ITPR1: variants seen among roughly 807,000 people sequenced by gnomAD.
ITPR1 encodes the protein inositol 1,4,5-trisphosphate-gated calcium channel ITPR1.
In ITPR1, 96 loss-of-function variants were observed where a neutral mutation model predicts 318.4. That is an observed-to-expected ratio of 0.30 (90% confidence interval 0.26 to 0.36). The LOEUF (loss-of-function observed/expected upper bound fraction) is 0.36. ITPR1 is among the 10% of genes least tolerant of loss of function. ITPR1 has a pLI of 1.00. For synonymous variants in ITPR1, 1,312 were observed against 1,289.9 expected (o/e 1.02, Z -0.37); for missense variants, 2,440 against 3,460.2 (o/e 0.71, Z 7.40).
chr3:4,690,782 A>C (rs2094468429), intron 31 of ITPR1, among the ~76,000 whole-genome samples: 1 of 152,238 alleles, frequency 6.6e-6, no homozygotes, highest in South Asian at 2.1e-4. Context: ...AAAGAGTGCA[A>C]GAGGTTTAAG....
intron 4 of ITPR1, among the ~76,000 whole-genome samples, chr3:4,528,986 G>A (rs891521905): frequency 5.9e-5 from 9 of 152,128 alleles, no homozygotes; most frequent in South Asian, 2.1e-4. Flanking sequence ...TTACACAATC[G>A]CTGGGGATGG....
chr3:4,667,166 T>C (rs2093967703), intron 17 of ITPR1, among the ~76,000 whole-genome samples: 1 of 152,196 alleles, frequency 6.6e-6, no homozygotes, highest in Admixed American at 6.5e-5. Context: ...CTTAATTACA[T>C]TTGTGTGGCA....
chr3:4,656,170 C>T (rs1199716722), intron 12 of ITPR1, among the ~76,000 whole-genome samples: 1 of 152,212 alleles, frequency 6.6e-6, no homozygotes, highest in Non-Finnish European at 1.5e-5. Context: ...CACTAGGTGG[C>T]AAGCGCCGAC....
intron 18 of ITPR1, among the ~76,000 whole-genome samples, chr3:4,668,451 C>A (rs2093998227): frequency 6.6e-6 from 1 of 151,942 alleles, no homozygotes; most frequent in Non-Finnish European, 1.5e-5. Context: ...ATGACTGGAT[C>A]TCACTCTTTT....
intron 61 of ITPR1, among the ~76,000 whole-genome samples, chr3:4,844,462 A>C (rs1410768419): frequency 1.3e-5 from 2 of 152,302 alleles, no homozygotes; most frequent in African/African-American, 4.8e-5. Context: ...TGAACACTTG[A>C]GATTATCCAA....
At chr3:4,674,146 G>C in intron 21 of ITPR1, 56 bp from the exon 22 acceptor site, 2 of 1,442,540 alleles carry the variant, frequency 1.4e-6, no homozygotes, top group Non-Finnish European at 1.9e-6. Context: ...GACCCAGGAA[G>C]ACCTCTCTGG....
rs770355745 is a variant in ITPR1 at position 4,667,511 on chromosome 3, C to T, written c.1848C>T (p.Asp616=). The T allele has an allele frequency of 8.7e-6, 14 of 1,613,672 alleles. No individual in the cohort carries two copies. The South Asian group carries it at 1.4e-4, about 16-fold the overall frequency. Reference sequence around the variant, plus strand: ...AACACATTACCGCGGCAGAGATTGACACATTTGTCAGCCTGGTGCGAAAGA... The same window carrying T: ...AACACATTACCGCGGCAGAGATTGATACATTTGTCAGCCTGGTGCGAAAGA... ...LEKHITAAEI[D]TFVSLVRKNR... The change falls in exon 18 of 62, where the codon GAC becomes GAT. Residue 616 remains aspartate (D), a synonymous_variant. Transcript: ENST00000649015.
chr3:4,825,003 GAGA>G (rs751971001), intron 60 of ITPR1, among the ~76,000 whole-genome samples: 6 of 152,184 alleles, frequency 3.9e-5, no homozygotes, highest in Non-Finnish European at 7.3e-5. Context: ...AAAGTAAAAG[GAGA>G]AGGACGATTC....
chr3:4,574,367 A>G (rs1216158555), intron 4 of ITPR1, among the ~76,000 whole-genome samples: 1 of 152,356 alleles, frequency 6.6e-6, no homozygotes, highest in East Asian at 1.9e-4. Flanking sequence ...TCGTTTGCAC[A>G]ATGAATGCCG....
intron 17 of ITPR1, among the ~76,000 whole-genome samples, chr3:4,666,965 G>C (rs1309728455): frequency 1.3e-5 from 2 of 152,160 alleles, no homozygotes; most frequent in Admixed American, 1.3e-4. Context: ...CATTGTTCCA[G>C]ATCTCCAGGT....
intron 2 of ITPR1, among the ~76,000 whole-genome samples, chr3:4,504,601 G>T (rs1403590882): frequency 6.6e-6 from 1 of 152,186 alleles, no homozygotes; most frequent in Non-Finnish European, 1.5e-5. Context: ...GGGGAGCTGT[G>T]TGAAAACGTG....
intron 42 of ITPR1, among the ~76,000 whole-genome samples, chr3:4,730,412 TGTGTGTG>T (rs1559788611): frequency 0.022 from 3,126 of 141,794 alleles, 94 homozygotes; most frequent in African/African-American, 0.048. Flanking sequence ...TGTGTGTGTG[TGTGTGTG>T]TTTCCCCCAG....
rs373174492 is a variant in ITPR1, at chr3:4,658,149, G to A, written c.1022G>A (p.Arg341Gln). The A allele has an allele frequency of 2.2e-5, 35 of 1,612,950 alleles. No individual in the cohort carries two copies. Among genetic ancestry groups the A allele is most frequent in the East Asian group, 4.5e-5 (2 of 44,854 alleles). The part of the protein sequence containing the change: ...PSVDPDQDAS[R>Q]SRLRNAQEKM... ...GTGGACCCTGATCAGGACGCCTCTCGAAGTAGGTTGCGGAATGCCCAAGAA... is the reference window on the plus strand; with the variant it reads ...GTGGACCCTGATCAGGACGCCTCTCAAAGTAGGTTGCGGAATGCCCAAGAA... The change falls in exon 13 of 62, where the codon CGA (arginine) becomes CAA (glutamine). Residue 341 changes from arginine to glutamine, a missense_variant. Physicochemically the swap from Arg to Gln is conservative, Grantham distance 43 (BLOSUM62 1). Coordinates refer to ENST00000649015, the MANE Select transcript of ITPR1 (RefSeq NM_001378452.1).
chr3:4,840,197 C>G (rs2051241073), intron 61 of ITPR1, among the ~76,000 whole-genome samples: 1 of 151,846 alleles, frequency 6.6e-6, no homozygotes, highest in Non-Finnish European at 1.5e-5. Context: ...TTGGTTATAG[C>G]AATCATAAAG....
intron 4 of ITPR1, among the ~76,000 whole-genome samples, chr3:4,579,124 G>A (rs370962944): frequency 2.6e-5 from 4 of 152,078 alleles, no homozygotes; most frequent in Non-Finnish European, 5.9e-5. Context: ...TCTCAGTTCC[G>A]GCCCCATAGC....
At chr3:4,651,980 T>C in intron 10 of ITPR1, 143 bp from the exon 11 acceptor site, 1 of 679,668 alleles carries the variant, frequency 1.5e-6, no homozygotes, top group Non-Finnish European at 2.6e-6. Context: ...CACGTGACAC[T>C]GGCAATGGGT....
chr3:4,564,629 A>G (rs540366782), intron 4 of ITPR1, among the ~76,000 whole-genome samples: 1 of 152,220 alleles, frequency 6.6e-6, no homozygotes, highest in Non-Finnish European at 1.5e-5. Flanking sequence ...TCCTCCCACC[A>G]TGGGAGGACA....
At chr3:4,604,704 G>T (rs2091571314) in intron 4 of ITPR1, among the ~76,000 whole-genome samples, 1 of 152,112 alleles carries the variant, frequency 6.6e-6, no homozygotes, top group South Asian at 2.1e-4. Context: ...GAACCTAGGG[G>T]TGGAGCTTAG....
chr3:4,693,750 G>A lies in ITPR1; in HGVS notation c.4281+9G>A, dbSNP rs1394301332. On this transcript the variant is annotated intron_variant, in intron 33 of 61. Transcript: ENST00000649015. ...AGGACTGCATCCCTGAGGTGAGCGA[G>A]CCCAGCCTGGCTGTGCCCTTCTCGT... 1.9e-6 allele frequency: 3 copies of A among 1,605,384 alleles called. No homozygotes were observed. The highest frequency in any genetic ancestry group is 1.3e-5 in the African/African-American group (1 of 74,736).
Sources: allele counts gnomAD v4.1 joint callset (sites outside exome capture counted in the v4.1 genomes callset), GRCh38; gene constraint gnomAD v4.1.1; transcripts MANE v1.5; gene names NCBI Gene and HGNC (gene_info 2026-07-23, HGNC 2026-07-21).